Variants in CARD9 observed in about 807,000 individuals in gnomAD.
The protein encoded by CARD9 is caspase recruitment domain family member 9, also known as caspase recruitment domain-containing protein 9.
In CARD9, 53 loss-of-function variants were observed where a neutral mutation model predicts 66.0. The ratio of observed to expected loss-of-function variants is 0.80; its 90% confidence interval spans 0.64 to 1.01. The LOEUF (loss-of-function observed/expected upper bound fraction) is 1.01. Ranked by LOEUF, CARD9 falls within the 50% of genes least tolerant of loss-of-function variation. The pLI is 0.00. For missense variants in CARD9, 769 were observed against 743.2 expected (o/e 1.03, Z -0.40); for synonymous variants, 387 against 313.8 (o/e 1.23, Z -2.47).
chr9:136,367,484 G>A (rs1234088722), intron 8 of CARD9, 153 bp downstream of exon 8: 7 of 1,022,488 alleles, frequency 6.8e-6, no homozygotes, highest in African/African-American at 1.6e-5. Context: ...AACTGCTCGT[G>A]TGCCCTCACC....
chr9:136,369,941 T>G, intron 6 of CARD9, 66 bp from the exon 7 acceptor site: 1 of 1,600,142 alleles, frequency 6.2e-7, no homozygotes, highest in Non-Finnish European at 8.5e-7. Flanking sequence ...TGGGGTATAC[T>G]CCGGGCAGGG....
chr9:136,364,904 G>C, intron 11 of CARD9: 1 of 596,514 alleles, frequency 1.7e-6, no homozygotes, highest in Non-Finnish European at 3.0e-6. Context: ...CGGAAAACCA[G>C]GACCAGGCAC....
Position 136,364,536 on chromosome 9 carries a change from C to T in CARD9, c.1458G>A (p.Glu486=), listed in dbSNP as rs1475053450. 1.3e-6 allele frequency: 2 copies of T among 1,538,896 alleles called. No homozygotes were observed. Among genetic ancestry groups the T allele is most frequent in the Non-Finnish European group, 1.7e-6 (2 of 1,146,802 alleles). Residue 486 remains glutamate, a synonymous_variant, in exon 12 of 13, where the codon GAG becomes GAA. Coordinates refer to ENST00000371732, the MANE Select transcript of CARD9 (RefSeq NM_052813.5). ...NPHDAGLSSG[E]PPEKERRRLK... Reference sequence around the variant, plus strand: ...GGCGCCGCCGCTCCTTCTCGGGCGGCTCCCCGCTGCTCAGGCCTGCGTCCT... The same window carrying T: ...GGCGCCGCCGCTCCTTCTCGGGCGGTTCCCCGCTGCTCAGGCCTGCGTCCT...
intron 3 of CARD9, 31 bp downstream of exon 3, chr9:136,371,293 C>T (rs753927888): frequency 1.2e-4 from 184 of 1,589,090 alleles, no homozygotes; most frequent in Non-Finnish European, 1.5e-4. Context: ...CCAGCGCCTC[C>T]CCTGTCGGCC....
In CARD9 at chr9:136,372,020, G is replaced by A. The variant is rs763713013; in HGVS notation, c.59C>T (p.Thr20Met). The A allele has an allele frequency of 1.1e-4, 171 of 1,612,666 alleles. 1 individual carries two copies. The South Asian group carries it at 1.5e-3, about 14-fold the overall frequency. Residue 20 changes from threonine to methionine, a missense_variant, in exon 2 of 13, where the codon ACG becomes ATG. By Grantham distance (81) the Thr-to-Met change is moderately conservative. Transcript: ENST00000371732. The part of the protein sequence containing the change: ...CWSVLEGFRV[T>M]LTSVIDPSRI... ...TGAGGGGTCGATGACCGAGGTGAGC[G>A]TCACCCGGAAGCCCTCCAGGACGCT...
At position 136,365,217 on chromosome 9, in the gene CARD9, C is replaced by T. The variant is rs745340091; in HGVS notation, c.1358G>A (p.Gly453Asp). The T allele has an allele frequency of 4.3e-5, 69 of 1,608,264 alleles. 1 individual carries two copies. The South Asian group carries it at 7.0e-4, about 16-fold the overall frequency. ...DLEDTQLSDK[G>D]CLAGGGSPKQ... ...CGGGCTCCCCCCGCCGGCAAGGCAG[C>T]CTGGAAAGGAGAGTCGTGCCTGTGG... The change falls in exon 11 of 13, where the codon GGC becomes GAC. Residue 453 changes from glycine to aspartate, a missense_variant and splice_region_variant. By Grantham distance (94) the Gly-to-Asp change is moderately conservative (BLOSUM62 -1). Transcript: ENST00000371732.
Position 136,364,350 on chromosome 9 carries a change from G to T in CARD9, c.1563C>A (p.Asp521Glu). 6.4e-7 allele frequency: 1 copy of T among 1,570,436 alleles called. No individual in the cohort carries two copies. The highest frequency in any genetic ancestry group is 1.3e-5 in the African/African-American group (1 of 74,160). Residue 521 changes from aspartate to glutamate, a missense_variant, in exon 13 of 13, where the codon GAC becomes GAA. Transcript: ENST00000371732. ...MQKGWRQGEE[D>E]RENTTGSDNT... The stretch of plus-strand genomic sequence containing the variant: ...TGTCGCTGCCCGTGGTGTTCTCCCG[G>T]TCCTCCTCCCCCTGCCGCCATCCTT...
rs141992399 is a variant in CARD9, at chr9:136,365,140, C to G, written c.1434+1G>C. 4.6e-3 allele frequency: 7,427 copies of G among 1,612,174 alleles called. 20 individuals are homozygous for G. The highest frequency in any genetic ancestry group is 5.6e-3 in the Non-Finnish European group (6,648 of 1,179,832). The stretch of plus-strand genomic sequence containing the variant: ...AGGACCCCACCCCGGGGAAGCCTTA[C>G]ATGGGGGTTCCGCAAAACCTGCTCC... On this transcript the variant is annotated splice_donor_variant, in intron 11 of 12. Transcript: ENST00000371732. LOFTEE classifies it high-confidence loss of function.
chr9:136,364,736 C>G (rs1361548802), intron 11 of CARD9, 177 bp from the exon 12 acceptor site: 1 of 656,134 alleles, frequency 1.5e-6, no homozygotes, highest in African/African-American at 1.8e-5. Context: ...GGAGGTGAGC[C>G]GGTGTGGGTA....
chr9:136,367,848 C>G lies in CARD9; in HGVS notation c.1078-20G>C, dbSNP rs774516640. The G allele has an allele frequency of 6.3e-7, 1 of 1,585,650 alleles. No homozygotes were observed. The highest frequency in any genetic ancestry group is 8.6e-7 in the Non-Finnish European group (1 of 1,168,760). Reference sequence around the variant, plus strand: ...TATGGCCTGACGGGACAGCACAAGGCCGACCCTCAGTGAGGGCCCCAAGCT... The same window carrying G: ...TATGGCCTGACGGGACAGCACAAGGGCGACCCTCAGTGAGGGCCCCAAGCT... On this transcript the variant is annotated intron_variant, in intron 7 of 12. Transcript: ENST00000371732.
intron 1 of CARD9, among the ~76,000 whole-genome samples, chr9:136,372,772 GC>G (rs1295559852): frequency 5.9e-5 from 9 of 152,362 alleles, no homozygotes; most frequent in African/African-American, 2.2e-4. Context: ...GGGAAGAGCT[GC>G]CCACAGGAGC....
Position 136,370,844 on chromosome 9 carries a change from C to T in CARD9, c.624G>A (p.Leu208=). The change falls in exon 4 of 13, where the codon CTG becomes CTA. Residue 208 remains leucine, a synonymous_variant. Coordinates refer to ENST00000371732, the MANE Select transcript of CARD9 (RefSeq NM_052813.5). ...TTCCCGGGGGCAGCGGGCGCACCTCCAGCTGCAGGTCACGGTTCCGCATGA... is the reference window on the plus strand; with the variant it reads ...TTCCCGGGGGCAGCGGGCGCACCTCTAGCTGCAGGTCACGGTTCCGCATGA... ...AALMRNRDLQ[L]EIDQLKHSLM... 2 of 1,595,240 alleles carry T rather than the reference C, an allele frequency of 1.3e-6. No individual in the cohort carries two copies. Among genetic ancestry groups the T allele is most frequent in the Non-Finnish European group, 1.7e-6 (2 of 1,168,608 alleles).
chr9:136,372,027 G>T lies in CARD9; in HGVS notation c.52C>A (p.Arg18=), dbSNP rs1159160299. 1 of 1,612,818 alleles carries T rather than the reference G, an allele frequency of 6.2e-7. No individual in the cohort carries two copies. Among genetic ancestry groups the T allele is most frequent in the Non-Finnish European group, 8.5e-7 (1 of 1,179,960 alleles). ...TCGATGACCGAGGTGAGCGTCACCC[G>T]GAAGCCCTCCAGGACGCTCCAGCAC... ...DECWSVLEGF[R]VTLTSVIDPS... is the part of the protein sequence containing the mutation. Residue 18 remains arginine, a synonymous_variant, in exon 2 of 13, where the codon CGG becomes AGG. Transcript: ENST00000371732.
chr9:136,369,386 T>C (rs1038271582), intron 7 of CARD9, among the ~76,000 whole-genome samples: 15 of 152,254 alleles, frequency 9.9e-5, no homozygotes, highest in Non-Finnish European at 1.8e-4. Context: ...CATGGATAGA[T>C]GACAGGTAAG....
intron 7 of CARD9, among the ~76,000 whole-genome samples, chr9:136,368,509 C>T (rs1423506450): frequency 6.6e-6 from 1 of 152,214 alleles, no homozygotes; most frequent in Non-Finnish European, 1.5e-5. Flanking sequence ...TCATGGGGGC[C>T]GGGGCTTCCT....
intron 1 of CARD9, among the ~76,000 whole-genome samples, chr9:136,372,781 A>G (rs1402735453): frequency 6.6e-6 from 1 of 152,158 alleles, no homozygotes; most frequent in Non-Finnish European, 1.5e-5. Context: ...TGCCCACAGG[A>G]GCGTGTCTCT....
chr9:136,370,497 G>C, intron 5 of CARD9, 25 bp downstream of exon 5: 1 of 1,602,324 alleles, frequency 6.2e-7, no homozygotes, highest in South Asian at 1.1e-5. Context: ...TGCCTGGGCT[G>C]CACCTGCCCT....
chr9:136,364,047 A>G lies in CARD9; in HGVS notation c.*255T>C, dbSNP rs1272419155. ...ATTGTGTGTTACATGGTGAAACAGA[A>G]CAGATCCTGAAGTTACACAGATGGC... On this transcript the variant is annotated 3_prime_UTR_variant, in exon 13 of 13. Transcript: ENST00000371732. 1 of 1,523,274 alleles carries G rather than the reference A, an allele frequency of 6.6e-7. No individual in the cohort carries two copies. 94.4% of individuals were successfully genotyped at this position (1,523,274 alleles called of 1,614,324 possible).
At chr9:136,367,615 C>G (rs368479737) in intron 8 of CARD9, 22 bp downstream of exon 8, 148 of 1,556,850 alleles carry the variant, frequency 9.5e-5, no homozygotes, top group Non-Finnish European at 1.2e-4. Flanking sequence ...GCTCCCCTCC[C>G]TGCCGCAGGC....
Sources: gnomAD v4.1 joint callset for allele counts (sites outside exome capture counted in the v4.1 genomes callset) on GRCh38, gnomAD v4.1.1 for gene constraint, MANE v1.5 for transcripts, NCBI Gene and HGNC (gene_info 2026-07-23, HGNC 2026-07-21) for gene names.